The following NRG3 variants were observed in gnomAD, a reference collection of about 807,000 sequenced individuals.
The protein encoded by NRG3 is pro-neuregulin-3, membrane-bound isoform.
A neutral mutation model predicts 66.9 loss-of-function variants in NRG3; 31 were observed. The ratio of observed to expected loss-of-function variants is 0.46; its 90% CI spans 0.35 to 0.63. The LOEUF is 0.63. Among genes scored for constraint, NRG3 ranks in the 20% least tolerant of loss-of-function variants. NRG3 has a pLI of 0.00. For synonymous variants in NRG3, 393 were observed against 359.4 expected (o/e 1.09, Z -1.06); for missense variants, 910 against 878.9 (o/e 1.04, Z -0.45).
chr10:82,594,880 C>T lies in NRG3; in HGVS notation c.954-143697C>T, dbSNP rs144408955. ...GACCCTACCATGGTATCATGGTCAT[C>T]GCCTCTCAAAAAAAAAATCTGCATT... On this transcript the variant is annotated intron_variant, in intron 2 of 8. Transcript: ENST00000372141. Among the ~76,000 whole-genome samples, 9 of 151,274 alleles carry T rather than the reference C, an allele frequency of 5.9e-5. No homozygotes were observed. In the East Asian group the frequency reaches 1.2e-3, roughly 20 times the overall value.
At chr10:82,139,312 A>C (rs1327115598) in intron 1 of NRG3, among the ~76,000 whole-genome samples, 1 of 152,190 alleles carries the variant, frequency 6.6e-6, no homozygotes, top group Non-Finnish European at 1.5e-5. Flanking sequence ...GTTGTGCCAA[A>C]GTCATTAATT....
intron 2 of NRG3, among the ~76,000 whole-genome samples, chr10:82,640,106 C>A (rs1200102931): frequency 6.6e-6 from 1 of 152,154 alleles, no homozygotes; most frequent in Non-Finnish European, 1.5e-5. Context: ...AGATTGTATT[C>A]TTTTTGATGG....
rs77774645 is a variant in NRG3 at position 82,092,227 on chromosome 10, G to C, written c.823+216064G>C. ...CAAGTATCTTGGCTTATGTTGCACA[G>C]CTTGTAAGTGGCAGAAACCTGATGC... On this transcript the variant is annotated intron_variant, in intron 1 of 8. Transcript: ENST00000372141. 7.6e-3 allele frequency among the ~76,000 whole-genome samples: 1,154 copies of C among 152,222 alleles called. 18 individuals carry two copies. Among genetic ancestry groups the C allele is most frequent in the African/African-American group, 0.026 (1,086 of 41,534 alleles).
chr10:82,554,229 C>G (rs1005613545), intron 2 of NRG3, among the ~76,000 whole-genome samples: 17 of 152,212 alleles, frequency 1.1e-4, no homozygotes, highest in African/African-American at 4.1e-4. Context: ...AGTAGGGTGA[C>G]TATCACGGAC....
At chr10:81,997,239 G>A (rs1317948509) in intron 1 of NRG3, among the ~76,000 whole-genome samples, 6 of 152,108 alleles carry the variant, frequency 3.9e-5, no homozygotes, top group East Asian at 3.9e-4. Flanking sequence ...ACACTGTATC[G>A]CAGTTGACAG....
intron 2 of NRG3, among the ~76,000 whole-genome samples, chr10:82,619,580 A>G (rs769761671): frequency 4.5e-4 from 68 of 152,328 alleles, no homozygotes; most frequent in Non-Finnish European, 8.2e-4. Flanking sequence ...TGGATGATCA[A>G]TATTACAGGA....
At chr10:82,725,473 C>T (rs1278349323) in intron 2 of NRG3, among the ~76,000 whole-genome samples, 1 of 152,068 alleles carries the variant, frequency 6.6e-6, no homozygotes, top group Non-Finnish European at 1.5e-5. Flanking sequence ...TATAATTTTC[C>T]CCAAGTGCCT....
intron 2 of NRG3, among the ~76,000 whole-genome samples, chr10:82,647,817 T>C (rs961174152): frequency 2.0e-5 from 3 of 151,966 alleles, no homozygotes; most frequent in East Asian, 1.9e-4. Flanking sequence ...GAGAAGTGTC[T>C]GTTCATGTCC....
chr10:82,939,847 T>C (rs2132253166), intron 4 of NRG3, among the ~76,000 whole-genome samples: 1 of 151,760 alleles, frequency 6.6e-6, no homozygotes, highest in South Asian at 2.1e-4. Context: ...TAAATGTAAC[T>C]TTCTACCTCC....
intron 2 of NRG3, among the ~76,000 whole-genome samples, chr10:82,514,777 A>G (rs1243687173): frequency 2.0e-5 from 3 of 152,164 alleles, no homozygotes; most frequent in Admixed American, 1.3e-4. Context: ...TTTAATGGGA[A>G]TAGCATTATA....
At chr10:82,807,183 C>T (rs765492668) in intron 3 of NRG3, among the ~76,000 whole-genome samples, 1 of 152,126 alleles carries the variant, frequency 6.6e-6, no homozygotes, top group South Asian at 2.1e-4. Flanking sequence ...CTAAATGAGA[C>T]ATCTGTCAAA....
intron 1 of NRG3, among the ~76,000 whole-genome samples, chr10:82,303,667 A>T (rs1055530508): frequency 3.3e-5 from 5 of 152,116 alleles, no homozygotes; most frequent in African/African-American, 1.2e-4. Flanking sequence ...CAGGAGTTCA[A>T]GACCAGCATG....
At chr10:81,953,240 A>G (rs552655731) in intron 1 of NRG3, among the ~76,000 whole-genome samples, 18 of 152,264 alleles carry the variant, frequency 1.2e-4, no homozygotes, top group African/African-American at 3.8e-4. Context: ...CCCAAACTTC[A>G]CAAGTCTGTT....
chr10:82,115,551 C>T (rs1564576465), intron 1 of NRG3, among the ~76,000 whole-genome samples: 1 of 152,062 alleles, frequency 6.6e-6, no homozygotes, highest in Admixed American at 6.6e-5. Context: ...ACACTGAGGC[C>T]TTTGGTTCCC....
intron 5 of NRG3, among the ~76,000 whole-genome samples, chr10:82,952,453 G>GCC (rs1849620539): frequency 9.0e-6 from 1 of 111,536 alleles, no homozygotes; most frequent in African/African-American, 3.6e-5. Flanking sequence ...AGATATAAAC[G>GCC]TCTCTCTCTC....
chr10:82,188,135 T>C (rs1286484403), intron 1 of NRG3, among the ~76,000 whole-genome samples: 1 of 151,892 alleles, frequency 6.6e-6, no homozygotes, highest in African/African-American at 2.4e-5. Flanking sequence ...AGGAACAGAA[T>C]AGAGAGCCCA....
At chr10:82,682,827 T>C (rs904653226) in intron 2 of NRG3, among the ~76,000 whole-genome samples, 1 of 152,060 alleles carries the variant, frequency 6.6e-6, no homozygotes, top group Non-Finnish European at 1.5e-5. Context: ...CTAGCTTCAG[T>C]TTCTTTAAAT....
At chr10:82,697,586 G>A (rs1346826382) in intron 2 of NRG3, among the ~76,000 whole-genome samples, 1 of 152,160 alleles carries the variant, frequency 6.6e-6, no homozygotes, top group Non-Finnish European at 1.5e-5. Flanking sequence ...AAAATATTCA[G>A]AGTCTGGATG....
At chr10:82,877,622 C>T (rs545381662) in intron 4 of NRG3, among the ~76,000 whole-genome samples, 1 of 146,714 alleles carries the variant, frequency 6.8e-6, no homozygotes, top group South Asian at 2.2e-4. Flanking sequence ...CTCCTGACCT[C>T]AGGTGATCCA....
Sources: allele counts gnomAD v4.1 joint callset (sites outside exome capture counted in the v4.1 genomes callset), GRCh38; gene constraint gnomAD v4.1.1; transcripts MANE v1.5; gene names NCBI Gene and HGNC (gene_info 2026-07-23, HGNC 2026-07-21).